MAF: variants seen among roughly 807,000 people sequenced by gnomAD.
MAF encodes the protein MAF bZIP transcription factor.
A neutral mutation model predicts 22.0 loss-of-function variants in MAF; 10 were observed. The ratio of observed to expected loss-of-function variants is 0.45; its 90% confidence interval spans 0.28 to 0.77. The LOEUF (loss-of-function observed/expected upper bound fraction) is 0.77, where lower values mean the gene tolerates loss of function less well. MAF is among the 30% of genes least tolerant of loss of function. The pLI is 0.12. For missense variants in MAF, 544 were observed against 548.4 expected, an observed-to-expected ratio of 0.99 and a Z score of 0.08; for synonymous variants, 337 against 255.8, an observed-to-expected ratio of 1.32 and a Z score of -3.03.
chr16:79,226,213 G>C, the MAF span, among the ~76,000 whole-genome samples: 1 of 152,214 alleles, frequency 6.6e-6, no homozygotes, highest in Non-Finnish European at 1.5e-5. Flanking sequence ...AAAAGGATGA[G>C]TTCATGTCCT....
At chr16:79,211,634 C>T in the MAF span, 21 of 1,614,220 alleles carry the variant, frequency 1.3e-5, no homozygotes, top group Non-Finnish European at 1.7e-5. Context: ...CCACCGTGTA[C>T]TGTGCTGCTG....
chr16:79,463,348 T>C, the MAF span, among the ~76,000 whole-genome samples: 3 of 152,322 alleles, frequency 2.0e-5, no homozygotes, highest in East Asian at 3.9e-4. Context: ...ATAAGATCAC[T>C]CTTGCTGCTC....
chr16:79,409,695 T>C, the MAF span, among the ~76,000 whole-genome samples: 1 of 152,192 alleles, frequency 6.6e-6, no homozygotes, highest in Admixed American at 6.5e-5. Context: ...GAGGGTTGGC[T>C]GCAGCAAAAC....
At chr16:79,229,600 T>A in the MAF span, 1 of 151,996 alleles carries the variant, frequency 6.6e-6, no homozygotes, top group African/African-American at 2.4e-5. Flanking sequence ...GGTAACTCCA[T>A]CCATCTGTGG....
chr16:79,307,682 G>C, the MAF span, among the ~76,000 whole-genome samples: 29 of 152,156 alleles, frequency 1.9e-4, no homozygotes, highest in Non-Finnish European at 2.2e-4. Context: ...TAATGTGCAA[G>C]ATAACTAGTT....
the MAF span, among the ~76,000 whole-genome samples, chr16:79,508,136 G>A: frequency 0.039 from 5,859 of 152,154 alleles, 366 homozygotes; most frequent in African/African-American, 0.13. Context: ...GGAAGGAGCG[G>A]GGAGTCATTC....
chr16:79,280,864 C>T, the MAF span, among the ~76,000 whole-genome samples: 3 of 152,138 alleles, frequency 2.0e-5, no homozygotes, highest in South Asian at 2.1e-4. Context: ...GACTCTGATG[C>T]GGATTCCTTA....
At chr16:79,443,268 G>A in the MAF span, among the ~76,000 whole-genome samples, 755 of 152,202 alleles carry the variant, frequency 5.0e-3, 5 homozygotes, top group African/African-American at 0.017. Context: ...CAGTGATGGT[G>A]GACTTCTTTT....
At chr16:79,464,849 G>A in the MAF span, among the ~76,000 whole-genome samples, 1 of 152,246 alleles carries the variant, frequency 6.6e-6, no homozygotes, top group East Asian at 1.9e-4. Flanking sequence ...TAAGTCATGG[G>A]ACCTGTTTCC....
At chr16:79,239,095 T>C in the MAF span, among the ~76,000 whole-genome samples, 1 of 152,068 alleles carries the variant, frequency 6.6e-6, no homozygotes, top group African/African-American at 2.4e-5. Context: ...GCCAAGGATT[T>C]GTCCATAGTC....
chr16:79,508,916 G>A, the MAF span, among the ~76,000 whole-genome samples: 3 of 152,144 alleles, frequency 2.0e-5, no homozygotes, highest in African/African-American at 7.2e-5. Context: ...GGAATGGGGG[G>A]AAATGTTTTG....
the MAF span, among the ~76,000 whole-genome samples, chr16:79,371,853 T>A: frequency 6.6e-6 from 1 of 152,206 alleles, no homozygotes; most frequent in Admixed American, 6.5e-5. Flanking sequence ...GCAGAACACA[T>A]CCTGATCTTG....
the MAF span, among the ~76,000 whole-genome samples, chr16:79,358,300 G>C: frequency 1.3e-5 from 2 of 152,194 alleles, no homozygotes; most frequent in African/African-American, 4.8e-5. Flanking sequence ...AGGCTACAGG[G>C]TGATGATTGC....
the MAF span, among the ~76,000 whole-genome samples, chr16:79,475,093 T>C: frequency 6.6e-6 from 1 of 152,172 alleles, no homozygotes; most frequent in Non-Finnish European, 1.5e-5. Context: ...TCTGGAAGCC[T>C]CCTCTCCAGG....
the MAF span, among the ~76,000 whole-genome samples, chr16:79,302,785 C>T: frequency 1.3e-5 from 2 of 152,256 alleles, no homozygotes; most frequent in African/African-American, 4.8e-5. Context: ...TGGCGACAGT[C>T]ATCCACCATG....
chr16:79,360,026 G>C, the MAF span, among the ~76,000 whole-genome samples: 1 of 152,256 alleles, frequency 6.6e-6, no homozygotes, highest in African/African-American at 2.4e-5. Flanking sequence ...TGGAGCAATT[G>C]GGGAAGAGGG....
chr16:79,224,651 C>T, the MAF span, among the ~76,000 whole-genome samples: 10 of 152,228 alleles, frequency 6.6e-5, no homozygotes, highest in East Asian at 5.8e-4. Context: ...AGATAAGCAA[C>T]TTCAGCAAAG....
chr16:79,387,655 C>A, the MAF span, among the ~76,000 whole-genome samples: 1 of 152,104 alleles, frequency 6.6e-6, no homozygotes, highest in Non-Finnish European at 1.5e-5. Flanking sequence ...CCTGCCTAGA[C>A]CTCGGAGGAG....
the MAF span, among the ~76,000 whole-genome samples, chr16:79,211,116 C>T: frequency 6.6e-6 from 1 of 151,654 alleles, no homozygotes; most frequent in Non-Finnish European, 1.5e-5. Context: ...GTGGGCAAAG[C>T]ATAAAGGGAT....
Sources: allele counts gnomAD v4.1 joint callset (sites outside exome capture counted in the v4.1 genomes callset), GRCh38; gene constraint gnomAD v4.1.1; transcripts MANE v1.5; gene names NCBI Gene and HGNC (gene_info 2026-07-23, HGNC 2026-07-21).